Variants in HACL1 observed in about 807,000 individuals in gnomAD.
HACL1 encodes the protein 1600020H07Rik.
A neutral mutation model predicts 74.2 loss-of-function variants in HACL1; 64 were observed. The observed-to-expected ratio is 0.86, with a 90% CI of 0.70 to 1.06. The LOEUF (loss-of-function observed/expected upper bound fraction) is 1.06, where lower values mean the gene tolerates loss of function less well. Ranked by LOEUF, HACL1 falls within the 50% of genes least tolerant of loss-of-function variation. The pLI is 0.00. For synonymous variants in HACL1, 230 were observed against 238.8 expected, an observed-to-expected ratio of 0.96 and a Z score of 0.34; for missense variants, 728 against 719.7, an observed-to-expected ratio of 1.01 and a Z score of -0.13.
intron 3 of HACL1, among the ~76,000 whole-genome samples, chr3:15,592,351 T>C (rs1323832842): frequency 6.6e-6 from 1 of 150,796 alleles, no homozygotes; most frequent in East Asian, 1.9e-4. Context: ...CAGAGTATAC[T>C]CTATATATAT....
At chr3:15,570,716 G>C (rs2063513506) in intron 12 of HACL1, among the ~76,000 whole-genome samples, 1 of 151,934 alleles carries the variant, frequency 6.6e-6, no homozygotes, top group Admixed American at 6.6e-5. Context: ...TAGACAGTTT[G>C]ATGGTTTCTA....
At chr3:15,588,798 C>G (rs948990976) in intron 5 of HACL1, among the ~76,000 whole-genome samples, 3 of 152,084 alleles carry the variant, frequency 2.0e-5, no homozygotes, top group African/African-American at 7.2e-5. Context: ...TTTCAAGTTT[C>G]TTTTAATTTT....
At chr3:15,570,100 G>T (rs1367938428) in intron 12 of HACL1, among the ~76,000 whole-genome samples, 2 of 152,132 alleles carry the variant, frequency 1.3e-5, no homozygotes, top group Non-Finnish European at 2.9e-5. Context: ...ACTTTGGGAG[G>T]CCAAGGCGGG....
At chr3:15,565,144 A>G (rs1271862735) in intron 14 of HACL1, among the ~76,000 whole-genome samples, 1 of 152,078 alleles carries the variant, frequency 6.6e-6, no homozygotes, top group Non-Finnish European at 1.5e-5. Flanking sequence ...CAGCCTGGGT[A>G]ACAGAGCAAG....
At chr3:15,586,632 T>C in intron 5 of HACL1, 30 bp from the exon 6 acceptor site, 1 of 1,253,884 alleles carries the variant, frequency 8.0e-7, no homozygotes, top group Non-Finnish European at 1.2e-6. Context: ...CACTTAAAAT[T>C]CAGCTCACAA....
At chr3:15,564,511 G>A in intron 15 of HACL1, 40 bp downstream of exon 15, 1 of 873,230 alleles carries the variant, frequency 1.1e-6, no homozygotes, top group Non-Finnish European at 1.9e-6. Flanking sequence ...GATTAAAACG[G>A]GAAAGAGAAA....
At chr3:15,578,550 C>G (rs2063665729) in intron 9 of HACL1, among the ~76,000 whole-genome samples, 1 of 152,136 alleles carries the variant, frequency 6.6e-6, no homozygotes, top group African/African-American at 2.4e-5. Context: ...CGAAAACTTG[C>G]AGAGAAACTG....
chr3:15,597,948 G>A (rs1344424735), intron 2 of HACL1, among the ~76,000 whole-genome samples: 1 of 151,912 alleles, frequency 6.6e-6, no homozygotes, highest in Non-Finnish European at 1.5e-5. Context: ...GTAACAAAAA[G>A]TATATTCCTC....
At chr3:15,581,121 C>T (rs1484340911) in intron 8 of HACL1, among the ~76,000 whole-genome samples, 1 of 152,178 alleles carries the variant, frequency 6.6e-6, no homozygotes, top group Non-Finnish European at 1.5e-5. Flanking sequence ...AGGATGGTCT[C>T]GAACTCCTGA....
At chr3:15,580,427 C>A (rs1388440168) in intron 8 of HACL1, among the ~76,000 whole-genome samples, 3 of 152,190 alleles carry the variant, frequency 2.0e-5, no homozygotes, top group Admixed American at 6.5e-5. Flanking sequence ...TTCTCAAATA[C>A]TCTCCTTCTG....
chr3:15,592,465 TACACACACGTATAC>T (rs1461293334), intron 3 of HACL1, among the ~76,000 whole-genome samples: 2 of 60,122 alleles, frequency 3.3e-5, no homozygotes, highest in Non-Finnish European at 6.7e-5. Context: ...CACGTATACA[TACACACACGTATAC>T]ATACACTTGT....
chr3:15,592,238 G>GCA (rs1574942085), intron 3 of HACL1, among the ~76,000 whole-genome samples: 10 of 146,758 alleles, frequency 6.8e-5, no homozygotes, highest in East Asian at 2.0e-4. Flanking sequence ...ACGTATATAC[G>GCA]TATACATACG....
rs368122373 is a variant in HACL1, at chr3:15,591,695, G to C, written c.228-15C>G. On this transcript the variant is annotated splice_polypyrimidine_tract_variant and intron_variant, in intron 3 of 16. Transcript: ENST00000321169. ...AGACTCCTGGCCTAAAAGCAAAACA[G>C]AATTTATTAAAATCAGGTCAAATGT... is the stretch of plus-strand genomic sequence containing the variant. The C allele has an allele frequency of 5.1e-6, 8 of 1,573,694 alleles. No individual in the cohort carries two copies. The highest frequency in any genetic ancestry group is 7.0e-6 in the Non-Finnish European group (8 of 1,146,256).
In HACL1 at chr3:15,601,070, C is replaced by A; in HGVS notation, c.186+20G>T. ...TGATCATTCCCAGTAACGCATTCAG[C>A]CACCTGAGTCCATACTCACCGCTTG... On this transcript the variant is annotated intron_variant, in intron 2 of 16. Coordinates refer to ENST00000321169, the MANE Select transcript of HACL1 (RefSeq NM_012260.4). The A allele has an allele frequency of 6.8e-7, 1 of 1,477,194 alleles. No individual in the cohort carries two copies. Among genetic ancestry groups the A allele is most frequent in the East Asian group, 2.3e-5 (1 of 44,284 alleles). 91.5% of individuals were successfully genotyped at this position (1,477,194 alleles called of 1,614,324 possible). A position where few individuals can be genotyped will look rare whatever the true frequency, so the allele number is the denominator to read the frequency against.
rs541716148 is a variant in HACL1 at position 15,590,346 on chromosome 3, G to C, written c.309-734C>G. 3.3e-5 allele frequency among the ~76,000 whole-genome samples: 5 copies of C among 151,538 alleles called. No homozygotes were observed. The South Asian group carries it at 1.0e-3, about 32-fold the overall frequency. The stretch of plus-strand genomic sequence containing the variant: ...TATCCTTCAATGTGGAAAAAAAAAA[G>C]ATATGGGAAACCTTAAGGTACTTAA... On this transcript the variant is annotated intron_variant, in intron 4 of 16. Transcript: ENST00000321169.
intron 12 of HACL1, among the ~76,000 whole-genome samples, chr3:15,570,832 A>G (rs1241707765): frequency 1.3e-5 from 2 of 152,106 alleles, no homozygotes; most frequent in African/African-American, 2.4e-5. Context: ...GTTAAATAAA[A>G]AAGAAGGCTA....
intron 16 of HACL1, among the ~76,000 whole-genome samples, chr3:15,562,004 G>A (rs78218006): frequency 0.026 from 3,894 of 152,238 alleles, 140 homozygotes; most frequent in African/African-American, 0.078. Context: ...TCTTACAGTG[G>A]CTTTAGTTTC....
intron 8 of HACL1, among the ~76,000 whole-genome samples, chr3:15,582,321 T>C (rs1044673122): frequency 4.6e-5 from 7 of 152,184 alleles, no homozygotes; most frequent in Non-Finnish European, 7.3e-5. Flanking sequence ...ATCCTAAATA[T>C]AGAAAAAGCT....
chr3:15,564,322 T>G (rs2063395300), intron 15 of HACL1, among the ~76,000 whole-genome samples: 1 of 152,208 alleles, frequency 6.6e-6, no homozygotes, highest in Non-Finnish European at 1.5e-5. Context: ...GACATCACAC[T>G]CATTTATCTG....
Sources: gnomAD v4.1 joint callset for allele counts (sites outside exome capture counted in the v4.1 genomes callset) on GRCh38, gnomAD v4.1.1 for gene constraint, MANE v1.5 for transcripts, NCBI Gene and HGNC (gene_info 2026-07-23, HGNC 2026-07-21) for gene names.